SPRTN: variants seen among roughly 807,000 people sequenced by gnomAD.
The protein encoded by SPRTN is SprT-like N-terminal domain.
In SPRTN, 11 loss-of-function variants were observed where a neutral mutation model predicts 31.9. The observed-to-expected ratio is 0.34, with a 90% CI of 0.22 to 0.57. The LOEUF is 0.57. SPRTN is among the 20% of genes least tolerant of loss of function. The pLI is 0.86. For synonymous variants in SPRTN, 185 were observed against 212.1 expected, an observed-to-expected ratio of 0.87 and a Z score of 1.11; for missense variants, 482 against 590.1, an observed-to-expected ratio of 0.82 and a Z score of 1.90.
intron 2 of SPRTN, among the ~76,000 whole-genome samples, chr1:231,346,341 C>T (rs1292252168): frequency 2.0e-5 from 3 of 150,442 alleles, no homozygotes; most frequent in East Asian, 1.9e-4. Context: ...TACAGGCGGG[C>T]GCAACTATGC....
At chr1:231,345,094 GTCTTTT>G (rs1204830814) in intron 2 of SPRTN, among the ~76,000 whole-genome samples, 2 of 151,424 alleles carry the variant, frequency 1.3e-5, no homozygotes, top group African/African-American at 2.4e-5. Context: ...TCTGTACTTT[GTCTTTT>G]TCTTTTTCTT....
rs527316897 is a variant in SPRTN at position 231,338,603 on chromosome 1, C to G, written c.220C>G (p.Leu74Val). The G allele has an allele frequency of 3.7e-6, 6 of 1,614,146 alleles. No individual in the cohort carries two copies. The highest frequency in any genetic ancestry group is 5.1e-6 in the Non-Finnish European group (6 of 1,179,984). Residue 74 changes from leucine to valine, a missense_variant and splice_region_variant, in exon 1 of 5, where the codon CTG (leucine) becomes GTG (valine). Transcript: ENST00000295050. The part of the protein sequence containing the change: ...VEVKWSVRMT[L>V]CAGICSYEGK... Reference sequence around the variant, plus strand: ...GGTGAAGTGGAGCGTGCGAATGACCCTGTGAGTTCCGAGCCCCGCTGGGGA... The same window carrying G: ...GGTGAAGTGGAGCGTGCGAATGACCGTGTGAGTTCCGAGCCCCGCTGGGGA...
chr1:231,339,320 T>C (rs968761430), intron 1 of SPRTN: 2 of 327,536 alleles, frequency 6.1e-6, no homozygotes, highest in Non-Finnish European at 1.2e-5. Flanking sequence ...TGGAGATATC[T>C]GCTTGTTAAT....
chr1:231,353,695 A>ATTTT lies in SPRTN; in HGVS notation c.*335_*336insTTTT, dbSNP rs1373294979. 2.7e-5 allele frequency: 27 copies of ATTTT among 997,768 alleles called. No individual in the cohort carries two copies. The highest frequency in any genetic ancestry group is 3.1e-5 in the Non-Finnish European group (26 of 833,260). 61.8% of individuals were successfully genotyped at this position (997,768 alleles called of 1,614,324 possible). On this transcript the variant is annotated 3_prime_UTR_variant, in exon 5 of 5. Transcript: ENST00000295050. ...TGTATACTTTCCTAAAAATATTCAT[A>ATTTT]TGGGGAATCCTGTCAGGTGTTTGGT...
chr1:231,347,770 A>C (rs755191834), intron 2 of SPRTN, 27 bp from the exon 3 acceptor site: 1 of 1,591,980 alleles, frequency 6.3e-7, no homozygotes, highest in Non-Finnish European at 8.5e-7. Context: ...CAGACTCTAA[A>C]ACTAATTTGA....
At chr1:231,338,704 G>T (rs1003890574) in intron 1 of SPRTN, 100 bp downstream of exon 1, 1 of 1,425,288 alleles carries the variant, frequency 7.0e-7, no homozygotes, top group African/African-American at 1.4e-5. Context: ...ACGGTCCCAG[G>T]GGGCGTTAAA....
chr1:231,348,027 GAGGATTTTCCAC>G, intron 3 of SPRTN, 102 bp downstream of exon 3: 1 of 1,490,964 alleles, frequency 6.7e-7, no homozygotes, highest in Non-Finnish European at 8.9e-7. Context: ...AAGTATCTTT[GAGGATTTTCCAC>G]AGCGAACGAG....
rs755340162 is a variant in SPRTN at position 231,352,930 on chromosome 1, A to G, written c.1039A>G (p.Asn347Asp). The G allele has an allele frequency of 1.2e-6, 2 of 1,614,178 alleles. No homozygotes were observed. The highest frequency in any genetic ancestry group is 1.7e-6 in the Non-Finnish European group (2 of 1,180,020). The change falls in exon 5 of 5, where the codon AAT (asparagine) becomes GAT (aspartate). Residue 347 changes from asparagine (N) to aspartate (D), a missense_variant. By Grantham distance (23) the Asn-to-Asp change is conservative (BLOSUM62 1). Coordinates refer to ENST00000295050, the MANE Select transcript of SPRTN (RefSeq NM_032018.7). ...FANQKAFRGV[N>D]GSPRISVTVG... ...CAACCAAAAGGCTTTCAGAGGTGTG[A>G]ATGGATCTCCAAGGATAAGTGTAAC... is the stretch of plus-strand genomic sequence containing the variant.
In SPRTN at chr1:231,338,398, G is replaced by C. The variant is rs753267739; in HGVS notation, c.15G>C (p.Leu5Phe). 5.0e-6 allele frequency: 8 copies of C among 1,614,124 alleles called. No individual in the cohort carries two copies. Among genetic ancestry groups the C allele is most frequent in the African/African-American group, 4.0e-5 (3 of 74,958 alleles). The part of the protein sequence containing the change: MDDD[L>F]MLALRLQEEW... ...TCCTGGCAACGATGGATGATGACTT[G>C]ATGTTGGCACTGCGGCTTCAGGAGG... Residue 5 changes from leucine to phenylalanine, a missense_variant, in exon 1 of 5, where the codon TTG (leucine) becomes TTC (phenylalanine). Leu to Phe is a conservative substitution (Grantham distance 22). Transcript: ENST00000295050.
intron 2 of SPRTN, chr1:231,347,592 G>A: frequency 1.9e-6 from 1 of 518,122 alleles, no homozygotes; most frequent in African/African-American, 2.0e-5. Context: ...TCCAACCCCT[G>A]GGCTCAAGTG....
intron 1 of SPRTN, 37 bp downstream of exon 1, chr1:231,338,641 T>C: frequency 6.2e-7 from 1 of 1,609,932 alleles, no homozygotes. Context: ...GAGGCGGGAC[T>C]GGCAGCTTTC....
At chr1:231,340,089 A>G (rs1571989020) in intron 2 of SPRTN, 2 of 387,132 alleles carry the variant, frequency 5.2e-6, no homozygotes, top group East Asian at 5.5e-5. Context: ...GGGGCCGGGC[A>G]CGCTGGCTCA....
At chr1:231,339,650 G>C (rs1686802686) in intron 1 of SPRTN, 119 bp from the exon 2 acceptor site, 2 of 1,014,760 alleles carry the variant, frequency 2.0e-6, no homozygotes, top group East Asian at 4.8e-5. Flanking sequence ...GCTAACCAAG[G>C]GGGGTATACT....
chr1:231,340,263 A>T (rs1686839519), intron 2 of SPRTN, among the ~76,000 whole-genome samples: 1 of 151,632 alleles, frequency 6.6e-6, no homozygotes, highest in Non-Finnish European at 1.5e-5. Flanking sequence ...GCTACTCGGG[A>T]GGCTGAGGCA....
chr1:231,352,342 A>C, intron 4 of SPRTN: 2 of 1,135,574 alleles, frequency 1.8e-6, no homozygotes, highest in Non-Finnish European at 2.2e-6. Flanking sequence ...TTTTCAAGGT[A>C]AATGTTGCCT....
At chr1:231,351,906 G>T in intron 4 of SPRTN, 1 of 1,019,890 alleles carries the variant, frequency 9.8e-7, no homozygotes, top group Non-Finnish European at 1.2e-6. Context: ...GACTCACTGA[G>T]TTATTAGGAA....
intron 1 of SPRTN, among the ~76,000 whole-genome samples, chr1:231,338,993 A>C (rs914566197): frequency 2.0e-5 from 3 of 152,206 alleles, no homozygotes; most frequent in African/African-American, 7.2e-5. Context: ...CTGCCAAAGG[A>C]TGTGTGTTCT....
At chr1:231,347,681 G>T (rs1468631450) in intron 2 of SPRTN, 116 bp from the exon 3 acceptor site, 5 of 1,261,028 alleles carry the variant, frequency 4.0e-6, no homozygotes, top group Admixed American at 2.7e-5. Context: ...AGTTTTATCA[G>T]TTCTGAAGGA....
intron 4 of SPRTN, 141 bp downstream of exon 4, chr1:231,351,712 A>G (rs1558367933): frequency 3.4e-6 from 5 of 1,462,380 alleles, no homozygotes; most frequent in South Asian, 1.5e-5. Flanking sequence ...ACTTAAGGAA[A>G]AAATCCCACT....
Sources: gnomAD v4.1 joint callset for allele counts (sites outside exome capture counted in the v4.1 genomes callset) on GRCh38, gnomAD v4.1.1 for gene constraint, MANE v1.5 for transcripts, NCBI Gene and HGNC (gene_info 2026-07-23, HGNC 2026-07-21) for gene names.